Variants in NCOR2 observed in about 807,000 individuals in gnomAD.
NCOR2 encodes the protein CTG repeat protein 26.
NCOR2 carries 81 observed loss-of-function variants against 262.9 expected under a neutral mutation model. That is an observed-to-expected ratio of 0.31 (90% CI 0.26 to 0.37). The LOEUF (loss-of-function observed/expected upper bound fraction) is 0.37. Ranked by LOEUF, NCOR2 falls within the 10% of genes least tolerant of loss-of-function variation. NCOR2 has a pLI of 1.00. For synonymous variants in NCOR2, 1,659 were observed against 1,559.3 expected (o/e 1.06, Z -1.51); for missense variants, 3,385 against 3,621.4 (o/e 0.93, Z 1.68).
In NCOR2 at chr12:124,361,527, C is replaced by T. The variant is rs946066144; in HGVS notation, c.3100+599G>A. Among the ~76,000 whole-genome samples, 7 of 152,336 alleles carry T rather than the reference C, an allele frequency of 4.6e-5. 1 individual carries two copies. The South Asian group carries it at 6.2e-4, about 14-fold the overall frequency. ...TCACGTGATGACAGTGAGGTGTGCCCGGGGCAGTCCCTGTGACACAGCGGC... is the reference window on the plus strand; with the variant it reads ...TCACGTGATGACAGTGAGGTGTGCCTGGGGCAGTCCCTGTGACACAGCGGC... On this transcript the variant is annotated intron_variant, in intron 22 of 46. Coordinates refer to ENST00000405201, the Ensembl canonical transcript of NCOR2.
In NCOR2 at chr12:124,548,513, TTTTC is replaced by T. The variant is rs2051608947; in HGVS notation, c.-164-12906_-164-12903del. 6.6e-6 allele frequency among the ~76,000 whole-genome samples: 1 copy of T among 152,066 alleles called. No homozygotes were observed. Among genetic ancestry groups the T allele is most frequent in the Non-Finnish European group, 1.5e-5 (1 of 68,012 alleles). ...CATCATGGTGCCTGGTCTGCCATTC[TTTTC>T]TTTTTGTCATTATTATTGATATGAA... On this transcript the variant is annotated intron_variant, in intron 1 of 32. Transcript: ENST00000458234. This position sits in a 1 kb window ranked among gnomAD's most constrained non-coding sequence, Gnocchi z 5.1.
chr12:124,414,679 G>A (rs766445027), intron 13 of NCOR2, among the ~76,000 whole-genome samples: 18 of 152,212 alleles, frequency 1.2e-4, no homozygotes, highest in Non-Finnish European at 2.2e-4. Context: ...CCCACTAGAC[G>A]ACATCGGGGA....
chr12:124,379,451 C>T (rs950463660), intron 17 of NCOR2, among the ~76,000 whole-genome samples: 18 of 152,196 alleles, frequency 1.2e-4, no homozygotes, highest in Non-Finnish European at 2.4e-4. Context: ...GGCCAGCCTT[C>T]GTGGGCTTGA....
intron 7 of NCOR2, among the ~76,000 whole-genome samples, chr12:124,438,816 C>G (rs2044572675): frequency 1.5e-5 from 2 of 130,954 alleles, no homozygotes; most frequent in Non-Finnish European, 1.6e-5. Context: ...GAGACGGAGA[C>G]CCAGAGAGAG....
intron 1 of NCOR2, among the ~76,000 whole-genome samples, chr12:124,526,965 G>A (rs535783492): frequency 6.6e-6 from 1 of 152,278 alleles, no homozygotes; most frequent in Non-Finnish European, 1.5e-5. Flanking sequence ...AGCCAATCAG[G>A]GCCGCTGAAA....
In NCOR2 at chr12:124,336,745, G is replaced by A. The variant is rs1282884747; in HGVS notation, c.6115+8C>T. ...CTATGAAGGTGGCCGCTGTCAGGGT[G>A]GTCTTACCCAGAGAACGGAGTTCCA... On this transcript the variant is annotated splice_region_variant and intron_variant, in intron 38 of 46. Transcript: ENST00000405201. The A allele has an allele frequency of 6.2e-7, 1 of 1,612,414 alleles. No homozygotes were observed. The highest frequency in any genetic ancestry group is 8.5e-7 in the Non-Finnish European group (1 of 1,179,534).
At chr12:124,479,967 G>T (rs1419594516) in intron 3 of NCOR2, among the ~76,000 whole-genome samples, 1 of 152,246 alleles carries the variant, frequency 6.6e-6, no homozygotes, top group Non-Finnish European at 1.5e-5. Context: ...CACTGGCTGG[G>T]CATGACTTGG....
At chr12:124,348,208 G>C (rs746236295) in exon 29 of NCOR2, 2 of 1,612,446 alleles carry the variant, frequency 1.2e-6, no homozygotes, top group Non-Finnish European at 1.7e-6. Context: ...CTCTGCCCAC[G>C]CGGCCCTCCA....
At chr12:124,339,676 A>G (rs1347679200) in intron 37 of NCOR2, among the ~76,000 whole-genome samples, 1 of 65,866 alleles carries the variant, frequency 1.5e-5, no homozygotes, top group Non-Finnish European at 4.0e-5. Flanking sequence ...CCACCCACCT[A>G]CCTACCAAAC....
At chr12:124,510,003 C>T (rs2049300488) in intron 1 of NCOR2, among the ~76,000 whole-genome samples, 1 of 152,198 alleles carries the variant, frequency 6.6e-6, no homozygotes, top group Non-Finnish European at 1.5e-5. Context: ...GTTGAGCAAG[C>T]CTGGGCTGCT....
rs145530463 is a variant in NCOR2 at position 124,388,000 on chromosome 12, G to A, written c.1877-2113C>T. Among the ~76,000 whole-genome samples the A allele has an allele frequency of 9.3e-3, 1,417 of 151,938 alleles. 29 individuals carry two copies. The highest frequency in any genetic ancestry group is 0.032 in the African/African-American group (1,327 of 41,382). On this transcript the variant is annotated intron_variant, in intron 16 of 46. Transcript: ENST00000405201. ...AGTCAATAAATAAGGAGGTAGCTAGGAGCCTGGCTGGGGGCTGGGGACCCT... is the reference window on the plus strand; with the variant it reads ...AGTCAATAAATAAGGAGGTAGCTAGAAGCCTGGCTGGGGGCTGGGGACCCT...
At chr12:124,424,090 CT>C (rs1340726549) in intron 11 of NCOR2, among the ~76,000 whole-genome samples, 2 of 152,216 alleles carry the variant, frequency 1.3e-5, no homozygotes, top group Non-Finnish European at 2.9e-5. Context: ...GCAGCCCAGC[CT>C]GGGTCCCCCA....
chr12:124,354,402 G>A lies in NCOR2; in HGVS notation c.3589+76C>T, dbSNP rs2037777284. On this transcript the variant is annotated intron_variant, in intron 26 of 46. Coordinates refer to ENST00000405201, the Ensembl canonical transcript of NCOR2. ...TCTGGGAGATGACACTTCCCAGCAG[G>A]TTTTGAATAAAGGGCCCTTTGGGCA... 3.0e-6 allele frequency: 4 copies of A among 1,338,918 alleles called. No individual in the cohort carries two copies. The East Asian group carries it at 1.0e-4, about 34-fold the overall frequency. 82.9% of individuals were successfully genotyped at this position (1,338,918 alleles called of 1,614,324 possible). A position where few individuals can be genotyped will look rare whatever the true frequency, so the allele number is the denominator to read the frequency against.
At chr12:124,488,618 A>C (rs1014082471) in intron 1 of NCOR2, among the ~76,000 whole-genome samples, 4 of 152,208 alleles carry the variant, frequency 2.6e-5, no homozygotes, top group African/African-American at 9.7e-5. Flanking sequence ...AAGGGAGAAG[A>C]CGGGGCTGGA....
At position 124,503,123 on chromosome 12, in the gene NCOR2, G is replaced by T. The variant is rs2048836326; in HGVS notation, c.-117-7755C>A. Among the ~76,000 whole-genome samples the T allele has an allele frequency of 6.6e-6, 1 of 152,248 alleles. No individual in the cohort carries two copies. Among genetic ancestry groups the T allele is most frequent in the Admixed American group, 6.5e-5 (1 of 15,286 alleles). On this transcript the variant is annotated intron_variant, in intron 1 of 46. Transcript: ENST00000404621. The surrounding 1 kb of genome is among the most constrained non-coding windows in gnomAD (Gnocchi z 4.3). Reference sequence around the variant, plus strand: ...CTGCCCTCCAGCTGAGACCAGGCAAGCCAAACCCATCCCAAACTCCGGTTG... The same window carrying T: ...CTGCCCTCCAGCTGAGACCAGGCAATCCAAACCCATCCCAAACTCCGGTTG...
intron 1 of NCOR2, among the ~76,000 whole-genome samples, chr12:124,533,298 G>A (rs1323879267): frequency 6.6e-6 from 1 of 151,994 alleles, no homozygotes; most frequent in Non-Finnish European, 1.5e-5. Context: ...CGCAACCCGG[G>A]AGGCCCATTC....
chr12:124,506,400 C>T (rs2049039638), intron 1 of NCOR2, among the ~76,000 whole-genome samples: 1 of 152,164 alleles, frequency 6.6e-6, no homozygotes, highest in South Asian at 2.1e-4. Flanking sequence ...TTGGAGCGTT[C>T]CTGTCCGCTG....
At chr12:124,402,916 G>T (rs1225717257) in intron 13 of NCOR2, among the ~76,000 whole-genome samples, 1 of 152,302 alleles carries the variant, frequency 6.6e-6, no homozygotes, top group Middle Eastern at 3.4e-3. Context: ...CTTGACAATG[G>T]GGGTATTCAG....
Position 124,548,777 on chromosome 12 carries a change from T to G in NCOR2, c.-164-13166A>C, listed in dbSNP as rs190625555. Among the ~76,000 whole-genome samples, 1 of 152,062 alleles carries G rather than the reference T, an allele frequency of 6.6e-6. No homozygotes were observed. The highest frequency in any genetic ancestry group is 6.6e-5 in the Admixed American group (1 of 15,266). ...CCTACTCCATAAAAGTCACCCTCCC[T>G]ACACAGTTTTCAAATGACCTGGCCA... is the stretch of plus-strand genomic sequence containing the variant. On this transcript the variant is annotated intron_variant, in intron 1 of 32. Transcript: ENST00000458234. The surrounding 1 kb of genome is among the most constrained non-coding windows in gnomAD (Gnocchi z 5.1).
Sources: gnomAD v4.1 joint callset for allele counts (sites outside exome capture counted in the v4.1 genomes callset) on GRCh38, gnomAD v4.1.1 for gene constraint, Gnocchi (gnomAD v3.1) non-coding constraint, MANE v1.5 for transcripts, NCBI Gene and HGNC (gene_info 2026-07-23, HGNC 2026-07-21) for gene names.